Variants in DGKB observed in about 807,000 individuals in gnomAD.
The protein encoded by DGKB is 90 kDa diacylglycerol kinase.
In DGKB, 67 loss-of-function variants were observed where a neutral mutation model predicts 114.3. The ratio of observed to expected loss-of-function variants is 0.59; its 90% CI spans 0.48 to 0.72. DGKB has a LOEUF of 0.72. Among genes scored for constraint, DGKB ranks in the 30% least tolerant of loss-of-function variants. The probability of loss-of-function intolerance (pLI) is 0.00; values close to 1 mark genes in which losing one functional copy is unlikely to be tolerated. For missense variants in DGKB, 907 were observed against 975.2 expected (o/e 0.93, Z 0.93); for synonymous variants, 398 against 323.1 (o/e 1.23, Z -2.49).
chr7:14,526,951 C>T (rs552389673), intron 20 of DGKB, among the ~76,000 whole-genome samples: 21 of 152,262 alleles, frequency 1.4e-4, no homozygotes, highest in Admixed American at 1.4e-3. Flanking sequence ...TATATGCTTA[C>T]AAATCCTACT....
At chr7:14,622,526 A>G (rs1239755302) in intron 14 of DGKB, among the ~76,000 whole-genome samples, 2 of 152,162 alleles carry the variant, frequency 1.3e-5, no homozygotes, top group Non-Finnish European at 2.9e-5. Context: ...GAAGGCCTAA[A>G]GCACAACATT....
intron 2 of DGKB, among the ~76,000 whole-genome samples, chr7:14,770,773 G>C (rs1837291819): frequency 6.6e-6 from 1 of 152,028 alleles, no homozygotes; most frequent in South Asian, 2.1e-4. Context: ...TGGCAGGCCA[G>C]TTTTCACTAA....
At chr7:14,541,652 T>C (rs1163042494) in intron 20 of DGKB, among the ~76,000 whole-genome samples, 1 of 152,196 alleles carries the variant, frequency 6.6e-6, no homozygotes, top group African/African-American at 2.4e-5. Context: ...AAGCATATTG[T>C]GACTAATTCA....
At chr7:14,610,875 A>G (rs1428148334) in intron 16 of DGKB, among the ~76,000 whole-genome samples, 1 of 152,120 alleles carries the variant, frequency 6.6e-6, no homozygotes, top group Non-Finnish European at 1.5e-5. Flanking sequence ...TTGGCAATCC[A>G]GCCTTCCTCT....
intron 23 of DGKB, among the ~76,000 whole-genome samples, chr7:14,219,149 AT>A (rs758304562): frequency 7.3e-5 from 11 of 151,698 alleles, no homozygotes; most frequent in Admixed American, 4.6e-4. Context: ...AATATACCAT[AT>A]TTTCTTTATC....
chr7:14,933,756 T>C (rs1334428630), intron 1 of DGKB, among the ~76,000 whole-genome samples: 3 of 152,186 alleles, frequency 2.0e-5, no homozygotes, highest in Non-Finnish European at 2.9e-5. Context: ...AATTTCCTCG[T>C]TTGTCTCTTT....
intron 21 of DGKB, among the ~76,000 whole-genome samples, chr7:14,462,327 CA>C (rs1833204987): frequency 6.6e-6 from 1 of 152,126 alleles, no homozygotes. Context: ...TCTCTGTTTG[CA>C]GATGACATGA....
Position 14,673,044 on chromosome 7 carries a change from G to T in DGKB, c.1036-17C>A. The T allele has an allele frequency of 6.8e-7, 1 of 1,477,992 alleles. No homozygotes were observed. Among genetic ancestry groups the T allele is most frequent in the Non-Finnish European group, 9.3e-7 (1 of 1,078,056 alleles). 91.6% of individuals were successfully genotyped at this position (1,477,992 alleles called of 1,614,324 possible). ...ATTATGCAGCTAGAAAAACAGAAAG[G>T]GGGATAGTATCAAATTCTACATGAC... On this transcript the variant is annotated splice_polypyrimidine_tract_variant and intron_variant, in intron 12 of 25. Transcript: ENST00000402815.
chr7:14,311,335 CT>C (rs1255533558), intron 23 of DGKB, among the ~76,000 whole-genome samples: 1 of 152,126 alleles, frequency 6.6e-6, no homozygotes, highest in Non-Finnish European at 1.5e-5. Context: ...ATTATACATC[CT>C]TGGTAGTTGG....
At chr7:14,799,756 T>C (rs962734094) in intron 2 of DGKB, among the ~76,000 whole-genome samples, 1 of 152,158 alleles carries the variant, frequency 6.6e-6, no homozygotes, top group African/African-American at 2.4e-5. Flanking sequence ...ACAGAAGGCT[T>C]TGCAGCAAGT....
chr7:14,234,889 G>A (rs1222292443), intron 23 of DGKB, among the ~76,000 whole-genome samples: 1 of 152,008 alleles, frequency 6.6e-6, no homozygotes, highest in South Asian at 2.1e-4. Context: ...CACCTAAATT[G>A]TCATAATTGC....
At chr7:14,803,132 G>C (rs1052527240) in intron 2 of DGKB, among the ~76,000 whole-genome samples, 1 of 151,648 alleles carries the variant, frequency 6.6e-6, no homozygotes, top group Admixed American at 6.6e-5. Context: ...TTTAGAGACA[G>C]GATCTTATTA....
intron 6 of DGKB, among the ~76,000 whole-genome samples, chr7:14,714,969 G>C (rs1436209167): frequency 6.6e-6 from 1 of 152,170 alleles, no homozygotes; most frequent in Non-Finnish European, 1.5e-5. Context: ...AGTAATAAGT[G>C]TGAAGGAATG....
intron 23 of DGKB, among the ~76,000 whole-genome samples, chr7:14,276,335 G>C (rs1438339779): frequency 6.6e-6 from 1 of 152,078 alleles, no homozygotes; most frequent in East Asian, 1.9e-4. Flanking sequence ...AATATTTCTT[G>C]CTATTGTACT....
intron 23 of DGKB, among the ~76,000 whole-genome samples, chr7:14,335,723 A>T (rs1810524562): frequency 6.6e-6 from 1 of 152,020 alleles, no homozygotes; most frequent in South Asian, 2.1e-4. Context: ...ATTTAATACT[A>T]TTGCTGCTTT....
At chr7:14,163,633 G>C (rs78128063) in intron 25 of DGKB, among the ~76,000 whole-genome samples, 1 of 152,164 alleles carries the variant, frequency 6.6e-6, no homozygotes, top group Non-Finnish European at 1.5e-5. Flanking sequence ...GCTCATGCCA[G>C]TATGTTTCAA....
intron 21 of DGKB, among the ~76,000 whole-genome samples, chr7:14,475,162 G>T (rs1225535674): frequency 1.3e-5 from 2 of 152,040 alleles, no homozygotes; most frequent in Non-Finnish European, 2.9e-5. Context: ...CATGCTAGAG[G>T]ATAATATTAA....
chr7:14,161,574 T>TCAAA (rs1422626532), intron 25 of DGKB, among the ~76,000 whole-genome samples: 1 of 150,384 alleles, frequency 6.6e-6, no homozygotes, highest in Non-Finnish European at 1.5e-5. Flanking sequence ...GAACAGAAAA[T>TCAAA]CAAACAGCAC....
intron 15 of DGKB, 38 bp downstream of exon 15, chr7:14,621,340 T>C (rs1364262877): frequency 3.1e-6 from 4 of 1,301,788 alleles, no homozygotes; most frequent in Non-Finnish European, 4.4e-6. Flanking sequence ...AAGTATCAAA[T>C]ATGAAACCTA....
Sources: allele counts gnomAD v4.1 joint callset (sites outside exome capture counted in the v4.1 genomes callset), GRCh38; gene constraint gnomAD v4.1.1; transcripts MANE v1.5; gene names NCBI Gene and HGNC (gene_info 2026-07-23, HGNC 2026-07-21).